PRKG2: variants seen among roughly 807,000 people sequenced by gnomAD.
The protein encoded by PRKG2 is cGMP-dependent protein kinase 2.
A neutral mutation model predicts 97.2 loss-of-function variants in PRKG2; 33 were observed. The ratio of observed to expected loss-of-function variants is 0.34; its 90% CI spans 0.26 to 0.45. The LOEUF is 0.45. PRKG2 is among the 20% of genes least tolerant of loss of function. The probability of loss-of-function intolerance (pLI) is 1.00; values close to 1 mark genes in which losing one functional copy is unlikely to be tolerated. For synonymous variants in PRKG2, 330 were observed against 321.8 expected, an observed-to-expected ratio of 1.03 and a Z score of -0.27; for missense variants, 638 against 900.0, an observed-to-expected ratio of 0.71 and a Z score of 3.73.
intron 8 of PRKG2, among the ~76,000 whole-genome samples, chr4:81,150,415 T>G (rs1301073142): frequency 6.6e-6 from 1 of 152,148 alleles, no homozygotes; most frequent in Admixed American, 6.5e-5. Context: ...CATGGAAATA[T>G]ACAGAATATA....
At chr4:81,156,335 G>A (rs1749089250) in intron 6 of PRKG2, among the ~76,000 whole-genome samples, 3 of 152,126 alleles carry the variant, frequency 2.0e-5, no homozygotes, top group Admixed American at 2.0e-4. Context: ...GACAAAGAAG[G>A]CCATTATTTA....
rs184607369 is a variant in PRKG2, at chr4:81,174,629, C to T, written c.628+164G>A. Among the ~76,000 whole-genome samples the T allele has an allele frequency of 2.0e-5, 3 of 152,178 alleles. No homozygotes were observed. In the East Asian group the frequency reaches 5.8e-4, roughly 29 times the overall value. On this transcript the variant is annotated intron_variant, in intron 3 of 18. Transcript: ENST00000264399. The stretch of plus-strand genomic sequence containing the variant: ...ATATTAAATATTACCATCAATTAAA[C>T]ATTACCATCATCATGATTAGATCAA...
Position 81,174,765 on chromosome 4 carries a change from T to C in PRKG2, c.628+28A>G, listed in dbSNP as rs370311445. The C allele has an allele frequency of 1.5e-5, 24 of 1,576,928 alleles. No individual in the cohort carries two copies. In the African/African-American group the frequency reaches 2.2e-4, roughly 14 times the overall value. The stretch of plus-strand genomic sequence containing the variant: ...ATCATAACAGGCAAAATATTTATTA[T>C]ATATCTGGAAAAATCTGTGAAACCC... On this transcript the variant is annotated intron_variant, in intron 3 of 18. Coordinates refer to ENST00000264399, the MANE Select transcript of PRKG2 (RefSeq NM_006259.3).
chr4:81,148,500 G>T (rs1001296597), intron 9 of PRKG2, among the ~76,000 whole-genome samples: 1 of 152,092 alleles, frequency 6.6e-6, no homozygotes, highest in Non-Finnish European at 1.5e-5. Context: ...TTGAGAGAAG[G>T]TTTTGTTCAA....
At chr4:81,173,476 G>C (rs1193800436) in intron 3 of PRKG2, among the ~76,000 whole-genome samples, 2 of 152,056 alleles carry the variant, frequency 1.3e-5, no homozygotes, top group African/African-American at 4.8e-5. Flanking sequence ...TTCTCTTGCT[G>C]CAATACTCTA....
intron 3 of PRKG2, 98 bp downstream of exon 3, chr4:81,174,695 C>T (rs1750772416): frequency 7.9e-7 from 1 of 1,265,848 alleles, no homozygotes; most frequent in Admixed American, 2.3e-5. Context: ...ATGTTTTCTA[C>T]AAATAGAGCA....
intron 2 of PRKG2, among the ~76,000 whole-genome samples, chr4:81,184,950 T>C (rs941273893): frequency 2.0e-5 from 3 of 151,542 alleles, no homozygotes; most frequent in Non-Finnish European, 4.4e-5. Context: ...GAAAAAAGAA[T>C]GAAAAGGAAT....
At chr4:81,183,305 T>A (rs943792770) in intron 2 of PRKG2, among the ~76,000 whole-genome samples, 3 of 152,100 alleles carry the variant, frequency 2.0e-5, no homozygotes, top group African/African-American at 7.2e-5. Context: ...CTCATCTCAC[T>A]GGGACTGGTT....
rs1431309412 is a variant in PRKG2, at chr4:81,087,415, A to T, written c.*2293T>A. 1.3e-5 allele frequency: 2 copies of T among 152,102 alleles called. No homozygotes were observed. Among genetic ancestry groups the T allele is most frequent in the African/African-American group, 4.8e-5 (2 of 41,438 alleles). The allele number at this position is 152,102 out of a possible 1,614,324, so 9.4% of individuals were successfully genotyped here. ...TTTTACTTCATGATTTAAAAGAAAA[A>T]AAAGACAGATACTGGATTTGATAAG... On this transcript the variant is annotated 3_prime_UTR_variant, in exon 19 of 19. Transcript: ENST00000264399.
At chr4:81,114,060 C>T (rs1744245233) in intron 14 of PRKG2, among the ~76,000 whole-genome samples, 1 of 152,182 alleles carries the variant, frequency 6.6e-6, no homozygotes, top group African/African-American at 2.4e-5. Context: ...GAAGGGAAGA[C>T]TTGCATACCC....
intron 6 of PRKG2, among the ~76,000 whole-genome samples, chr4:81,165,251 T>C (rs1749879760): frequency 6.6e-6 from 1 of 152,106 alleles, no homozygotes; most frequent in South Asian, 2.1e-4. Context: ...CCATTTGTTC[T>C]AGGAGTTCAA....
chr4:81,204,866 T>G lies in PRKG2; in HGVS notation c.182A>C (p.Gln61Pro), dbSNP rs1753549939. The part of the protein sequence containing the change: ...LKELREQLSK[Q>P]TVAIAELTEE... ...TGTGAGTTCAGCAATGGCCACAGTC[T>G]GCTTCGACAGCTGCTCCCGCAGCTC... Residue 61 changes from glutamine (Q) to proline (P), a missense_variant, in exon 2 of 19, where the codon CAG becomes CCG. Physicochemically the swap from Gln to Pro is moderately conservative, Grantham distance 76. Around this residue, in one of 3 missense-constraint regions of PRKG2, gnomAD observed 332 missense variants for 421.7 expected, o/e 0.79. Coordinates refer to ENST00000264399, the MANE Select transcript of PRKG2 (RefSeq NM_006259.3). The G allele has an allele frequency of 6.2e-7, 1 of 1,614,184 alleles. No homozygotes were observed. The highest frequency in any genetic ancestry group is 1.1e-5 in the South Asian group (1 of 91,084).
intron 14 of PRKG2, among the ~76,000 whole-genome samples, chr4:81,133,857 T>TAA (rs58792399): frequency 2.0e-5 from 3 of 151,662 alleles, no homozygotes; most frequent in South Asian, 2.1e-4. Context: ...TATTTTTTTT[T>TAA]AAAAATAGCT....
Position 81,087,477 on chromosome 4 carries a change from T to C in PRKG2, c.*2231A>G, listed in dbSNP as rs1311548317. On this transcript the variant is annotated 3_prime_UTR_variant, in exon 19 of 19. Transcript: ENST00000264399. ...ATACAGATACCAATGATACATAAGA[T>C]TCAGGACTAAATGGTTATTAAGGCC... 1 of 152,080 alleles carries C rather than the reference T, an allele frequency of 6.6e-6. No individual in the cohort carries two copies. Among genetic ancestry groups the C allele is most frequent in the Non-Finnish European group, 1.5e-5 (1 of 67,964 alleles). 9.4% of individuals were successfully genotyped at this position (152,080 alleles called of 1,614,324 possible).
chr4:81,144,610 A>AT (rs780598203), intron 9 of PRKG2, among the ~76,000 whole-genome samples: 1,661 of 140,044 alleles, frequency 0.012, 30 homozygotes, highest in African/African-American at 0.042. Context: ...ATATATATAT[A>AT]TTTTTTTTTT....
intron 14 of PRKG2, among the ~76,000 whole-genome samples, chr4:81,133,848 A>T (rs981905075): frequency 1.2e-4 from 18 of 144,594 alleles, no homozygotes; most frequent in African/African-American, 3.9e-4. Context: ...ATATATAGCT[A>T]TTTTTTTTTA....
chr4:81,100,047 C>T (rs1289081019), intron 17 of PRKG2, among the ~76,000 whole-genome samples: 1 of 151,914 alleles, frequency 6.6e-6, no homozygotes, highest in African/African-American at 2.4e-5. Context: ...CAAACCACTG[C>T]TCGATGAAAT....
chr4:81,091,170 C>G (rs1455755711), intron 18 of PRKG2, among the ~76,000 whole-genome samples: 1 of 152,068 alleles, frequency 6.6e-6, no homozygotes, highest in African/African-American at 2.4e-5. Flanking sequence ...AGGAGTGATA[C>G]AATATTTCTG....
At chr4:81,170,235 T>C (rs1002577182) in intron 4 of PRKG2, among the ~76,000 whole-genome samples, 3 of 152,150 alleles carry the variant, frequency 2.0e-5, no homozygotes, top group African/African-American at 7.2e-5. Context: ...CTAAAGAAGC[T>C]ACATATTATT....
Sources: allele counts gnomAD v4.1 joint callset (sites outside exome capture counted in the v4.1 genomes callset), GRCh38; gene constraint gnomAD v4.1.1; regional missense constraint gnomAD v4.1.1; transcripts MANE v1.5; gene names NCBI Gene and HGNC (gene_info 2026-07-23, HGNC 2026-07-21).